The following NTM variants were observed in gnomAD, a reference collection of about 807,000 sequenced individuals.
NTM encodes IgLON family member 2.
In NTM, 13 loss-of-function variants were observed where a neutral mutation model predicts 42.1. The ratio of observed to expected loss-of-function variants is 0.31; its 90% confidence interval spans 0.20 to 0.49. The LOEUF is 0.49. NTM is among the 20% of genes least tolerant of loss of function. The probability of loss-of-function intolerance (pLI) is 0.99; values close to 1 mark genes in which losing one functional copy is unlikely to be tolerated. For synonymous variants in NTM, 187 were observed against 179.2 expected, an observed-to-expected ratio of 1.04 and a Z score of -0.35; for missense variants, 373 against 452.8, an observed-to-expected ratio of 0.82 and a Z score of 1.60.
At chr11:131,839,070 C>T (rs1035645186) in intron 1 of NTM, among the ~76,000 whole-genome samples, 1 of 151,860 alleles carries the variant, frequency 6.6e-6, no homozygotes, top group African/African-American at 2.4e-5. Context: ...ATGCGATTCT[C>T]CTGCCTCAGC....
chr11:131,752,988 C>G (rs531314563), intron 1 of NTM, among the ~76,000 whole-genome samples: 1 of 152,036 alleles, frequency 6.6e-6, no homozygotes, highest in Non-Finnish European at 1.5e-5. Flanking sequence ...CTCAACCTAC[C>G]CATCTGACAA....
At position 132,297,706 on chromosome 11, in the gene NTM, CT is replaced by C. The variant is rs772005207; in HGVS notation, c.527-9978del. 3.9e-5 allele frequency among the ~76,000 whole-genome samples: 6 copies of C among 152,076 alleles called. No individual in the cohort carries two copies. The South Asian group carries it at 1.2e-3, about 32-fold the overall frequency. On this transcript the variant is annotated intron_variant, in intron 4 of 8. Transcript: ENST00000683400. ...CTATCATCATCTACATTTTTGCGGG[CT>C]TTTTCTTGGCAGACATGTGAGTTGA...
At chr11:131,422,345 A>G (rs1270672407) in intron 1 of NTM, among the ~76,000 whole-genome samples, 1 of 152,074 alleles carries the variant, frequency 6.6e-6, no homozygotes, top group Non-Finnish European at 1.5e-5. Flanking sequence ...TCCTCCCCAC[A>G]AGGTTTCCCA....
chr11:131,734,255 C>T (rs1325310330), intron 1 of NTM, among the ~76,000 whole-genome samples: 8 of 152,136 alleles, frequency 5.3e-5, no homozygotes, highest in Admixed American at 6.5e-5. Context: ...ACTCCAGAAA[C>T]GAACCTGGTT....
At chr11:132,238,282 G>A (rs1377173008) in intron 4 of NTM, among the ~76,000 whole-genome samples, 1 of 152,114 alleles carries the variant, frequency 6.6e-6, no homozygotes, top group East Asian at 1.9e-4. Flanking sequence ...TAAGATGGGG[G>A]AGGATTGTGG....
intron 2 of NTM, among the ~76,000 whole-genome samples, chr11:132,024,953 T>A (rs1220939123): frequency 1.3e-5 from 2 of 152,192 alleles, no homozygotes; most frequent in Non-Finnish European, 2.9e-5. Flanking sequence ...AGTGGCTTCA[T>A]GCGATAAAGT....
chr11:131,747,564 A>G (rs772919532), intron 1 of NTM, among the ~76,000 whole-genome samples: 1 of 152,150 alleles, frequency 6.6e-6, no homozygotes, highest in Non-Finnish European at 1.5e-5. Context: ...CACATCTGAG[A>G]TGAGTGGTGT....
intron 2 of NTM, among the ~76,000 whole-genome samples, chr11:132,080,902 C>T (rs2058955913): frequency 6.6e-6 from 1 of 152,150 alleles, no homozygotes; most frequent in South Asian, 2.1e-4. Flanking sequence ...ACCTGTGTTC[C>T]TGATATGTAC....
intron 2 of NTM, among the ~76,000 whole-genome samples, chr11:132,022,740 C>G (rs933555651): frequency 1.3e-5 from 2 of 152,204 alleles, no homozygotes; most frequent in Non-Finnish European, 2.9e-5. Context: ...GGACTAGATA[C>G]CTGTAACTGC....
intron 2 of NTM, among the ~76,000 whole-genome samples, chr11:131,927,146 G>T (rs192947384): frequency 1.7e-4 from 26 of 152,310 alleles, no homozygotes; most frequent in Admixed American, 1.7e-3. Flanking sequence ...CCTACACAGT[G>T]TGTATGCTAA....
At chr11:132,115,275 T>C (rs530293743) in intron 2 of NTM, among the ~76,000 whole-genome samples, 1 of 152,202 alleles carries the variant, frequency 6.6e-6, no homozygotes, top group East Asian at 1.9e-4. Flanking sequence ...TTGAAGTATA[T>C]TGAGAGTGGA....
At chr11:131,708,518 A>C (rs771563809) in intron 1 of NTM, among the ~76,000 whole-genome samples, 6 of 152,312 alleles carry the variant, frequency 3.9e-5, no homozygotes, top group Admixed American at 3.9e-4. Flanking sequence ...TCCCATTAAT[A>C]GGATTATTTC....
intron 2 of NTM, among the ~76,000 whole-genome samples, chr11:132,078,544 G>C (rs2058650820): frequency 6.6e-6 from 1 of 152,156 alleles, no homozygotes; most frequent in Non-Finnish European, 1.5e-5. Context: ...AGGGGAACTG[G>C]GAGTCTGAAA....
At chr11:132,291,106 C>T (rs1470372610) in intron 4 of NTM, among the ~76,000 whole-genome samples, 6 of 152,020 alleles carry the variant, frequency 3.9e-5, no homozygotes, top group Admixed American at 6.5e-5. Context: ...CAGATGTTGA[C>T]GCCTACCTAA....
chr11:132,141,559 C>A (rs1436351890), intron 2 of NTM, among the ~76,000 whole-genome samples: 3 of 152,150 alleles, frequency 2.0e-5, no homozygotes, highest in Non-Finnish European at 4.4e-5. Context: ...TACTCGAGCT[C>A]CCATGCATGA....
chr11:131,719,172 A>T (rs2078055761), intron 1 of NTM, among the ~76,000 whole-genome samples: 2 of 152,134 alleles, frequency 1.3e-5, no homozygotes, highest in East Asian at 3.9e-4. Flanking sequence ...ACCCTCCTGA[A>T]GTGCTGGGAT....
chr11:131,660,083 G>A (rs1022016882), intron 1 of NTM, among the ~76,000 whole-genome samples: 14 of 152,130 alleles, frequency 9.2e-5, no homozygotes, highest in Admixed American at 2.6e-4. Flanking sequence ...CGAATCAGTC[G>A]GCCACAAGGA....
chr11:132,275,889 G>C (rs1370077064), intron 4 of NTM, among the ~76,000 whole-genome samples: 1 of 151,324 alleles, frequency 6.6e-6, no homozygotes, highest in African/African-American at 2.4e-5. Flanking sequence ...ATATTTTACT[G>C]TTAACCATAG....
intron 1 of NTM, among the ~76,000 whole-genome samples, chr11:131,878,314 T>C (rs1000819912): frequency 6.6e-6 from 1 of 151,950 alleles, no homozygotes; most frequent in Non-Finnish European, 1.5e-5. Flanking sequence ...CTGGCGCCTG[T>C]AATCCCAGCA....
Sources: gnomAD v4.1 joint callset for allele counts (sites outside exome capture counted in the v4.1 genomes callset) on GRCh38, gnomAD v4.1.1 for gene constraint, MANE v1.5 for transcripts, NCBI Gene and HGNC (gene_info 2026-07-23, HGNC 2026-07-21) for gene names.